Variants in PARVA observed in about 807,000 individuals in gnomAD.
PARVA encodes alpha-parvin.
In PARVA, 25 loss-of-function variants were observed where a neutral mutation model predicts 52.6. That is an observed-to-expected ratio of 0.48 (90% CI 0.35 to 0.66). PARVA has a LOEUF of 0.66. PARVA is among the 30% of genes least tolerant of loss of function. The pLI, the probability that PARVA is intolerant of heterozygous loss-of-function variation, is 0.01. For missense variants in PARVA, 373 were observed against 450.9 expected (o/e 0.83, Z 1.56); for synonymous variants, 185 against 179.1 (o/e 1.03, Z -0.26).
intron 4 of PARVA, among the ~76,000 whole-genome samples, chr11:12,493,274 T>C (rs1941254742): frequency 6.6e-6 from 1 of 151,602 alleles, no homozygotes; most frequent in Non-Finnish European, 1.5e-5. Flanking sequence ...GAGAATCACT[T>C]GAACCCGGGA....
chr11:12,483,436 C>G (rs1249140141), intron 4 of PARVA, among the ~76,000 whole-genome samples: 1 of 152,212 alleles, frequency 6.6e-6, no homozygotes, highest in Non-Finnish European at 1.5e-5. Flanking sequence ...CTGTTTCAAC[C>G]AGGGCTCATA....
chr11:12,526,927 G>A (rs1268670120), intron 12 of PARVA, among the ~76,000 whole-genome samples: 1 of 152,088 alleles, frequency 6.6e-6, no homozygotes, highest in African/African-American at 2.4e-5. Flanking sequence ...GTGGTGACCA[G>A]TAAATAGATG....
chr11:12,507,399 C>T (rs772883787), intron 6 of PARVA, among the ~76,000 whole-genome samples: 10 of 152,302 alleles, frequency 6.6e-5, no homozygotes, highest in Admixed American at 1.3e-4. Flanking sequence ...ATCAGAAAGT[C>T]TTCCTGCACC....
At position 12,480,897 on chromosome 11, in the gene PARVA, T is replaced by C. The variant is rs372359715; in HGVS notation, c.400+2948T>C. The C allele has an allele frequency of 1.1e-4, 16 of 152,168 alleles. No individual in the cohort carries two copies. In the East Asian group the frequency reaches 1.2e-3, roughly 11 times the overall value. The allele number at this position is 152,168 out of a possible 1,614,324, so 9.4% of individuals were successfully genotyped here. Reference sequence around the variant, plus strand: ...GATTTTGGGGAATGTTTTGGTTTGTTTTCTTTTTTTAACGACCCTGTGAGT... The same window carrying C: ...GATTTTGGGGAATGTTTTGGTTTGTCTTCTTTTTTTAACGACCCTGTGAGT... On this transcript the variant is annotated intron_variant, in intron 4 of 12. Transcript: ENST00000334956.
chr11:12,527,223 G>A (rs780256242), intron 12 of PARVA, among the ~76,000 whole-genome samples: 1 of 152,256 alleles, frequency 6.6e-6, no homozygotes, highest in Non-Finnish European at 1.5e-5. Context: ...AAGGCAAAGA[G>A]GGAGGATGGG....
chr11:12,432,029 G>A (rs1940322917), intron 1 of PARVA, among the ~76,000 whole-genome samples: 1 of 152,230 alleles, frequency 6.6e-6, no homozygotes, highest in Admixed American at 6.5e-5. Flanking sequence ...CTCCAAAAGG[G>A]AAGAGCTCTG....
chr11:12,394,303 G>A (rs1225968909), intron 1 of PARVA, among the ~76,000 whole-genome samples: 1 of 152,094 alleles, frequency 6.6e-6, no homozygotes, highest in Non-Finnish European at 1.5e-5. Context: ...ACAATTCAAA[G>A]TCAAAACCCA....
In PARVA at chr11:12,510,947, T is replaced by G. The variant is rs74887018; in HGVS notation, c.717-567T>G. On this transcript the variant is annotated intron_variant, in intron 7 of 12. Transcript: ENST00000334956. ...GATGTGTCTTTAAAGCTTGTGCTCTTGATACTATGCTGCTTCTCTGCTATG... is the reference window on the plus strand; with the variant it reads ...GATGTGTCTTTAAAGCTTGTGCTCTGGATACTATGCTGCTTCTCTGCTATG... Among the ~76,000 whole-genome samples, 1,390 of 152,256 alleles carry G rather than the reference T, an allele frequency of 9.1e-3. 16 individuals are homozygous for G. The highest frequency in any genetic ancestry group is 0.032 in the African/African-American group (1,349 of 41,540).
chr11:12,502,079 C>G (rs910587269), intron 5 of PARVA, among the ~76,000 whole-genome samples: 1 of 152,136 alleles, frequency 6.6e-6, no homozygotes, highest in Non-Finnish European at 1.5e-5. Context: ...AGTGCCACAT[C>G]AGGATCTTTT....
chr11:12,396,034 C>A (rs1939739075), intron 1 of PARVA, among the ~76,000 whole-genome samples: 1 of 152,210 alleles, frequency 6.6e-6, no homozygotes, highest in Non-Finnish European at 1.5e-5. Flanking sequence ...ACGTATCCAA[C>A]ATATGTCAAG....
chr11:12,437,902 A>G (rs1191494581), intron 1 of PARVA, among the ~76,000 whole-genome samples: 2 of 152,278 alleles, frequency 1.3e-5, no homozygotes, highest in South Asian at 2.1e-4. Flanking sequence ...TCAATATCCA[A>G]TCATCAGATG....
chr11:12,416,587 A>T (rs1940070101), intron 1 of PARVA, among the ~76,000 whole-genome samples: 1 of 152,120 alleles, frequency 6.6e-6, no homozygotes. Flanking sequence ...ATCTGCCCTG[A>T]TGAAGGGTCC....
rs147168239 is a variant in PARVA at position 12,429,981 on chromosome 11, T to C, written c.137-43764T>C. ...CCTTTTTTTAATGTTATTCATGATA[T>C]AATGACTACAGACACTTTTAAATTT... On this transcript the variant is annotated intron_variant, in intron 1 of 12. Coordinates refer to ENST00000334956, the MANE Select transcript of PARVA (RefSeq NM_018222.5). Among the ~76,000 whole-genome samples the C allele has an allele frequency of 5.9e-3, 897 of 152,352 alleles. 7 individuals carry two copies. The highest frequency in any genetic ancestry group is 0.02 in the South Asian group (97 of 4,830).
At chr11:12,473,619 T>C (rs1940962445) in intron 1 of PARVA, 126 bp from the exon 2 acceptor site, 6 of 699,964 alleles carry the variant, frequency 8.6e-6, no homozygotes, top group Non-Finnish European at 1.5e-5. Flanking sequence ...GTAGGCTGAG[T>C]AACAGCTGTA....
At chr11:12,466,311 G>GT (rs36045215) in intron 1 of PARVA, among the ~76,000 whole-genome samples, 58,754 of 142,892 alleles carry the variant, frequency 0.41, 12,519 homozygotes, top group East Asian at 0.64. Flanking sequence ...TTATTTAGTT[G>GT]TTTTTTTTTT....
At chr11:12,420,875 T>C (rs1269027914) in intron 1 of PARVA, among the ~76,000 whole-genome samples, 1 of 152,136 alleles carries the variant, frequency 6.6e-6, no homozygotes, top group African/African-American at 2.4e-5. Flanking sequence ...GTCCAGGCGG[T>C]AGAGTCCAGA....
intron 1 of PARVA, among the ~76,000 whole-genome samples, chr11:12,384,260 T>C (rs923889629): frequency 1.3e-5 from 2 of 152,236 alleles, no homozygotes; most frequent in African/African-American, 4.8e-5. Context: ...CTTTAGCTAC[T>C]CACCAGATGC....
intron 1 of PARVA, among the ~76,000 whole-genome samples, chr11:12,427,464 A>T (rs975147785): frequency 3.3e-5 from 5 of 152,214 alleles, no homozygotes; most frequent in Non-Finnish European, 5.9e-5. Context: ...TGGCTATTTT[A>T]GCCCAAATCA....
At position 12,474,095 on chromosome 11, in the gene PARVA, T is replaced by C. The variant is rs1589971533; in HGVS notation, c.297+112T>C. The C allele has an allele frequency of 2.5e-6, 2 of 804,162 alleles. 1 individual carries two copies. Among genetic ancestry groups the C allele is most frequent in the South Asian group, 3.0e-5 (2 of 66,330 alleles). 49.8% of individuals were successfully genotyped at this position (804,162 alleles called of 1,614,324 possible). A position where few individuals can be genotyped will look rare whatever the true frequency, so the allele number is the denominator to read the frequency against. ...GCCCCTGAGAGAAGGTAAAAAGTCA[T>C]GGCAGCCCCTGCCTCAGGCAGTGAG... is the stretch of plus-strand genomic sequence containing the variant. On this transcript the variant is annotated intron_variant, in intron 3 of 12. Transcript: ENST00000334956.
Sources: gnomAD v4.1 joint callset for allele counts (sites outside exome capture counted in the v4.1 genomes callset) on GRCh38, gnomAD v4.1.1 for gene constraint, MANE v1.5 for transcripts, NCBI Gene and HGNC (gene_info 2026-07-23, HGNC 2026-07-21) for gene names.